The following GIT2 variants were observed in gnomAD, a reference collection of about 807,000 sequenced individuals.
GIT2 encodes GIT ArfGAP 2.
GIT2 carries 32 observed loss-of-function variants against 100.3 expected under a neutral mutation model. The observed-to-expected ratio is 0.32, with a 90% CI of 0.24 to 0.43. The LOEUF (loss-of-function observed/expected upper bound fraction) is 0.43, where lower values mean the gene tolerates loss of function less well. Among genes scored for constraint, GIT2 ranks in the 20% least tolerant of loss-of-function variants. The probability of loss-of-function intolerance (pLI) is 1.00; values close to 1 mark genes in which losing one functional copy is unlikely to be tolerated. For missense variants in GIT2, 737 were observed against 975.1 expected, an observed-to-expected ratio of 0.76 and a Z score of 3.25; for synonymous variants, 353 against 364.1, an observed-to-expected ratio of 0.97 and a Z score of 0.35.
chr12:109,980,299 G>A (rs1006996974), intron 7 of GIT2, among the ~76,000 whole-genome samples: 27 of 152,242 alleles, frequency 1.8e-4, no homozygotes, highest in African/African-American at 6.5e-4. Flanking sequence ...GAATTCCTAG[G>A]TGCAAGCAGT....
chr12:109,978,349 C>T (rs543711323), intron 7 of GIT2, among the ~76,000 whole-genome samples: 1 of 152,250 alleles, frequency 6.6e-6, no homozygotes, highest in East Asian at 1.9e-4. Context: ...TCCCAAAGTG[C>T]TGGGATTACA....
At chr12:109,937,422 T>C (rs1018472070) in intron 18 of GIT2, among the ~76,000 whole-genome samples, 1 of 152,196 alleles carries the variant, frequency 6.6e-6, no homozygotes, top group Non-Finnish European at 1.5e-5. Flanking sequence ...GCTGACCTAA[T>C]GAAAAGAATG....
chr12:109,958,118 G>A (rs955601980), intron 12 of GIT2, among the ~76,000 whole-genome samples: 5 of 149,726 alleles, frequency 3.3e-5, no homozygotes, highest in African/African-American at 1.2e-4. Context: ...CTAATTTTTT[G>A]TAGTTTTAGT....
At chr12:109,937,062 C>T (rs1321856390) in intron 18 of GIT2, among the ~76,000 whole-genome samples, 1 of 152,164 alleles carries the variant, frequency 6.6e-6, no homozygotes, top group Non-Finnish European at 1.5e-5. Flanking sequence ...AATAATTAGA[C>T]AGTTTTTATC....
chr12:109,976,606 T>C (rs940009146), intron 7 of GIT2, among the ~76,000 whole-genome samples: 3 of 150,446 alleles, frequency 2.0e-5, no homozygotes, highest in African/African-American at 7.3e-5. Flanking sequence ...TTTTTTTTTT[T>C]TTGAGATGGA....
At chr12:109,976,909 A>G (rs1885224027) in intron 7 of GIT2, among the ~76,000 whole-genome samples, 1 of 152,082 alleles carries the variant, frequency 6.6e-6, no homozygotes, top group Admixed American at 6.6e-5. Flanking sequence ...CAGCTTTAAG[A>G]TATGTATGAC....
intron 7 of GIT2, among the ~76,000 whole-genome samples, chr12:109,972,008 A>AT (rs1884000819): frequency 7.5e-6 from 1 of 132,720 alleles, no homozygotes; most frequent in Admixed American, 7.1e-5. Context: ...AAGGGAAAAA[A>AT]AAATATATAT....
chr12:109,942,187 G>C (rs768008471), intron 16 of GIT2, among the ~76,000 whole-genome samples: 1 of 151,982 alleles, frequency 6.6e-6, no homozygotes, highest in Non-Finnish European at 1.5e-5. Flanking sequence ...GTGTGTGTGT[G>C]TATACATATA....
In GIT2 at chr12:109,931,302, C is replaced by A. The variant is rs369080555; in HGVS notation, c.*1676G>T. Reference sequence around the variant, plus strand: ...CAGCAACATAACACACAGGGTTGGCCGGCTCCATTACGGGTAAGACTCAGA... The same window carrying A: ...CAGCAACATAACACACAGGGTTGGCAGGCTCCATTACGGGTAAGACTCAGA... On this transcript the variant is annotated 3_prime_UTR_variant, in exon 20 of 20. Transcript: ENST00000355312. 2 of 152,232 alleles carry A rather than the reference C, an allele frequency of 1.3e-5. No individual in the cohort carries two copies. The highest frequency in any genetic ancestry group is 4.8e-5 in the African/African-American group (2 of 41,428). The allele number at this position is 152,232 out of a possible 1,614,324, so 9.4% of individuals were successfully genotyped here.
At chr12:109,951,407 G>T in intron 13 of GIT2, 91 bp from the exon 14 acceptor site, 1 of 1,068,018 alleles carries the variant, frequency 9.4e-7, no homozygotes, top group Non-Finnish European at 1.4e-6. Flanking sequence ...GACCAAGCCA[G>T]CTGAATTGCA....
At chr12:109,939,059 A>T in intron 17 of GIT2, 106 bp downstream of exon 17, 2 of 708,048 alleles carry the variant, frequency 2.8e-6, no homozygotes, top group Non-Finnish European at 5.2e-6. Context: ...GAGTCTGAAA[A>T]TAGAGAAAAG....
intron 14 of GIT2, among the ~76,000 whole-genome samples, chr12:109,949,661 A>G (rs953623361): frequency 6.6e-6 from 1 of 152,258 alleles, no homozygotes; most frequent in African/African-American, 2.4e-5. Flanking sequence ...AAGCAAAAGC[A>G]AATAATTTCA....
At position 109,930,513 on chromosome 12, in the gene GIT2, A is replaced by C. The variant is rs1367156663; in HGVS notation, c.*2465T>G. 1 of 152,314 alleles carries C rather than the reference A, an allele frequency of 6.6e-6. No individual in the cohort carries two copies. Among genetic ancestry groups the C allele is most frequent in the South Asian group, 2.1e-4 (1 of 4,826 alleles). 9.4% of individuals were successfully genotyped at this position (152,314 alleles called of 1,614,324 possible). A position where few individuals can be genotyped will look rare whatever the true frequency, so the allele number is the denominator to read the frequency against. On this transcript the variant is annotated 3_prime_UTR_variant, in exon 20 of 20. Transcript: ENST00000355312. ...CAGGAGCAGAGAACTCTGACACCAGATCTCAGATGAGGCCAAGGAAATGCG... is the reference window on the plus strand; with the variant it reads ...CAGGAGCAGAGAACTCTGACACCAGCTCTCAGATGAGGCCAAGGAAATGCG...
upstream of GIT2, chr12:109,998,626 G>T (rs1378740284): frequency 6.6e-6 from 1 of 152,188 alleles, no homozygotes; most frequent in Non-Finnish European, 1.5e-5. Flanking sequence ...TTATTTATCA[G>T]TCCTTTCAGC....
In GIT2 at chr12:109,948,355, G is replaced by A; in HGVS notation, c.1393-851C>T. 7 of 989,928 alleles carry A rather than the reference G, an allele frequency of 7.1e-6. No individual in the cohort carries two copies. The highest frequency in any genetic ancestry group is 8.4e-6 in the Non-Finnish European group (7 of 832,936). 61.3% of individuals were successfully genotyped at this position (989,928 alleles called of 1,614,324 possible). ...AAAAAACACGACCTCAGTGGTGTCA[G>A]CTTTGAACATGCTAATCTGCCTGGC... On this transcript the variant is annotated intron_variant, in intron 14 of 19. Transcript: ENST00000355312. This position sits in a 1 kb window ranked among gnomAD's most constrained non-coding sequence, Gnocchi z 4.3.
chr12:109,953,327 A>G, intron 12 of GIT2, 93 bp from the exon 13 acceptor site: 3 of 1,198,334 alleles, frequency 2.5e-6, no homozygotes, highest in Non-Finnish European at 2.4e-6. Flanking sequence ...TAGCCATTTA[A>G]AGGACTTAAA....
rs551810597 is a variant in GIT2 at position 109,983,302 on chromosome 12, A to T, written c.623+71T>A. On this transcript the variant is annotated intron_variant, in intron 6 of 19. Coordinates refer to ENST00000355312, the MANE Select transcript of GIT2 (RefSeq NM_057169.5). Reference sequence around the variant, plus strand: ...GGTTCAATATCAACATATACAACTTAGCTACTTAACAAGGAATCACACCCA... The same window carrying T: ...GGTTCAATATCAACATATACAACTTTGCTACTTAACAAGGAATCACACCCA... The T allele has an allele frequency of 4.5e-4, 604 of 1,348,360 alleles. 9 individuals carry two copies. In the South Asian group the frequency reaches 4.5e-3, roughly 10 times the overall value. The allele number at this position is 1,348,360 out of a possible 1,614,324, so 83.5% of individuals were successfully genotyped here.
intron 4 of GIT2, among the ~76,000 whole-genome samples, chr12:109,984,667 G>A (rs573692255): frequency 2.0e-5 from 3 of 151,838 alleles, no homozygotes; most frequent in East Asian, 2.0e-4. Flanking sequence ...GGCTGATCTC[G>A]AACTTACGAG....
In GIT2 at chr12:109,983,389, G is replaced by C. The variant is rs746163344; in HGVS notation, c.607C>G (p.Pro203Ala). 6.2e-7 allele frequency: 1 copy of C among 1,613,574 alleles called. No individual in the cohort carries two copies. Among genetic ancestry groups the C allele is most frequent in the African/African-American group, 1.3e-5 (1 of 74,890 alleles). ...PGTQDSSGKT[P>A]VDYARQGGHH... ...GTCTCTTACCTTGCATAATCAACGGGAGTTTTCCCACTAGAATCCTGTGTG... is the reference window on the plus strand; with the variant it reads ...GTCTCTTACCTTGCATAATCAACGGCAGTTTTCCCACTAGAATCCTGTGTG... Residue 203 changes from proline (P) to alanine (A), a missense_variant, in exon 6 of 20, where the codon CCC becomes GCC. Pro to Ala is a conservative substitution (Grantham distance 27). This residue lies in a region of GIT2 where 266 missense variants were observed against 376.2 expected (regional missense o/e 0.71). Transcript: ENST00000355312.
Sources: allele counts gnomAD v4.1 joint callset (sites outside exome capture counted in the v4.1 genomes callset), GRCh38; gene constraint gnomAD v4.1.1; regional missense constraint gnomAD v4.1.1; non-coding constraint Gnocchi (gnomAD v3.1); transcripts MANE v1.5; gene names NCBI Gene and HGNC (gene_info 2026-07-23, HGNC 2026-07-21).